Variants in TRPV1 observed in about 807,000 individuals in gnomAD.
TRPV1 encodes the protein transient receptor potential cation channel subfamily V member 1.
Under a neutral mutation model 82.3 loss-of-function variants are expected in TRPV1, and 82 were observed. That is an observed-to-expected ratio of 1.00 (90% CI 0.83 to 1.20). The LOEUF (loss-of-function observed/expected upper bound fraction) is 1.20, where lower values mean the gene tolerates loss of function less well. TRPV1 is among the 50% of genes most tolerant of loss of function. The pLI, the probability that TRPV1 is intolerant of heterozygous loss-of-function variation, is 0.00. For synonymous variants in TRPV1, 515 were observed against 467.7 expected, an observed-to-expected ratio of 1.10 and a Z score of -1.30; for missense variants, 1,067 against 1,096.8, an observed-to-expected ratio of 0.97 and a Z score of 0.38.
intron 11 of TRPV1, chr17:3,578,808 A>C (rs530837485): frequency 6.6e-6 from 1 of 152,330 alleles, no homozygotes; most frequent in South Asian, 2.1e-4. Context: ...GGATAATCAA[A>C]AAGTGGTACG....
At chr17:3,590,641 G>C (rs547348987) in intron 5 of TRPV1, among the ~76,000 whole-genome samples, 1 of 152,170 alleles carries the variant, frequency 6.6e-6, no homozygotes, top group South Asian at 2.1e-4. Context: ...AAATTGCCCC[G>C]GGGGCAAGGA....
chr17:3,592,365 C>A lies in TRPV1; in HGVS notation c.-15G>T. 1 of 1,578,630 alleles carries A rather than the reference C, an allele frequency of 6.3e-7. No homozygotes were observed. ...CATTTCTTCATCCTTGCTGGATCCTCTGTGGCCCAGTGTGCAACCTGCAGC... is the reference window on the plus strand; with the variant it reads ...CATTTCTTCATCCTTGCTGGATCCTATGTGGCCCAGTGTGCAACCTGCAGC... On this transcript the variant is annotated 5_prime_UTR_variant, in exon 3 of 17. Coordinates refer to ENST00000572705, the MANE Select transcript of TRPV1 (RefSeq NM_080704.4).
intron 9 of TRPV1, among the ~76,000 whole-genome samples, chr17:3,583,768 C>A (rs183873109): frequency 2.5e-3 from 387 of 152,326 alleles, no homozygotes; most frequent in Admixed American, 5.4e-3. Context: ...ATGGACCCCA[C>A]GCCATACACA....
intron 16 of TRPV1, among the ~76,000 whole-genome samples, chr17:3,570,916 G>C (rs1292547937): frequency 2.6e-5 from 4 of 151,968 alleles, no homozygotes; most frequent in East Asian, 1.9e-4. Flanking sequence ...GGGGTTTCAC[G>C]ATGTTGGCCA....
intron 2 of TRPV1, among the ~76,000 whole-genome samples, chr17:3,602,632 C>CGCCAGCCAG (rs1443252312): frequency 1.6e-3 from 246 of 152,282 alleles, no homozygotes; most frequent in African/African-American, 5.4e-3. Context: ...TCTGCGGACG[C>CGCCAGCCAG]GCCAGCCAGC....
At position 3,573,695 on chromosome 17, in the gene TRPV1, C is replaced by T. The variant is rs2074890885; in HGVS notation, c.2041G>A (p.Ala681Thr). ...TTGTTGACAGTCTCACCCATGAGGG[C>T]GATGAGCATGTTGAGCAGGAGGATG... is the stretch of plus-strand genomic sequence containing the variant. ...TYILLLNMLIALMGETVNKIA... is the reference protein window; with the variant it reads ...TYILLLNMLITLMGETVNKIA... The change falls in exon 14 of 17, where the codon GCC becomes ACC. Residue 681 changes from alanine to threonine, a missense_variant. Transcript: ENST00000572705. 4 of 1,613,902 alleles carry T rather than the reference C, an allele frequency of 2.5e-6. No homozygotes were observed. Among genetic ancestry groups the T allele is most frequent in the East Asian group, 4.5e-5 (2 of 44,890 alleles).
intron 2 of TRPV1, among the ~76,000 whole-genome samples, chr17:3,607,600 G>A (rs572193006): frequency 9.1e-4 from 135 of 149,052 alleles, no homozygotes; most frequent in African/African-American, 3.2e-3. Flanking sequence ...GCAGTGGTGC[G>A]ATCTCAGCTC....
intron 8 of TRPV1, among the ~76,000 whole-genome samples, chr17:3,586,214 T>C (rs1289801407): frequency 6.6e-6 from 1 of 152,178 alleles, no homozygotes; most frequent in African/African-American, 2.4e-5. Flanking sequence ...CCCACCGCAC[T>C]GCCCGTTGTG....
chr17:3,604,892 C>T (rs556652011), intron 2 of TRPV1, among the ~76,000 whole-genome samples: 3 of 152,278 alleles, frequency 2.0e-5, no homozygotes, highest in African/African-American at 7.2e-5. Context: ...TCCTCCAAAC[C>T]CCACTGTCTA....
At position 3,591,275 on chromosome 17, in the gene TRPV1, G is replaced by A. The variant is rs199898362; in HGVS notation, c.363C>T (p.Ala121=). 6.8e-6 allele frequency: 11 copies of A among 1,613,260 alleles called. No homozygotes were observed. Among genetic ancestry groups the A allele is most frequent in the South Asian group, 4.4e-5 (4 of 91,054 alleles). Residue 121 remains alanine, a synonymous_variant, in exon 4 of 17, where the codon GCC becomes GCT. Coordinates refer to ENST00000572705, the MANE Select transcript of TRPV1 (RefSeq NM_080704.4). ...GATCCTGGCAGTTATTCTGAGCAAC[G>A]GCTTCAAAGATACTCCTGCGATCAT... ...RLYDRRSIFE[A]VAQNNCQDLE... is the part of the protein sequence containing the mutation.
chr17:3,567,110 C>A lies in TRPV1; in HGVS notation c.2348-123G>T, dbSNP rs545624344. The A allele has an allele frequency of 6.5e-5, 76 of 1,171,654 alleles. 1 individual carries two copies. The South Asian group carries it at 1.1e-3, about 17-fold the overall frequency. 72.6% of individuals were successfully genotyped at this position (1,171,654 alleles called of 1,614,324 possible). A position where few individuals can be genotyped will look rare whatever the true frequency, so the allele number is the denominator to read the frequency against. On this transcript the variant is annotated intron_variant, in intron 16 of 16. Transcript: ENST00000572705. ...CGATGGCTCATGCCTGTAATCCCAG[C>A]ACTTTGGGAGGCCGAGGCAGGTGGA...
At chr17:3,576,877 A>C (rs1239022788) in intron 13 of TRPV1, among the ~76,000 whole-genome samples, 1 of 151,012 alleles carries the variant, frequency 6.6e-6, no homozygotes. Flanking sequence ...AAAAGTTGAA[A>C]AAACAACTGA....
rs917387664 is a variant in TRPV1, at chr17:3,589,950, C to T, written c.901G>A (p.Asp301Asn). 7.7e-6 allele frequency: 12 copies of T among 1,568,388 alleles called. No individual in the cohort carries two copies. In the Admixed American group the frequency reaches 1.5e-4, roughly 20 times the overall value. Reference sequence around the variant, plus strand: ...ATGCTCGTCACAAACTTCGTGTTGTCGGCCGTGTTGTCGGCCACCTCCACC... The same window carrying T: ...ATGCTCGTCACAAACTTCGTGTTGTTGGCCGTGTTGTCGGCCACCTCCACC... ...ALVEVADNTA[D>N]NTKFVTSMYN... The change falls in exon 7 of 17, where the codon GAC (aspartate) becomes AAC (asparagine). Residue 301 changes from aspartate to asparagine, a missense_variant. By Grantham distance (23) the Asp-to-Asn change is conservative. Coordinates refer to ENST00000572705, the MANE Select transcript of TRPV1 (RefSeq NM_080704.4).
rs1217001931 is a variant in TRPV1 at position 3,585,877 on chromosome 17, T to C, written c.1274A>G (p.Asp425Gly). Residue 425 changes from aspartate (D) to glycine (G), a missense_variant, in exon 9 of 17, where the codon GAC (aspartate) becomes GGC (glycine). Asp to Gly is a moderately conservative substitution (Grantham distance 94). Coordinates refer to ENST00000572705, the MANE Select transcript of TRPV1 (RefSeq NM_080704.4). ...LVEPLNRLLQ[D>G]KWDRFVKRIF... The stretch of plus-strand genomic sequence containing the variant: ...GCGCTTGACGAATCTGTCCCACTTG[T>C]CCTGCAGGAGTCGGTTCAGCGGCTC... The C allele has an allele frequency of 2.5e-6, 4 of 1,613,938 alleles. No individual in the cohort carries two copies. The highest frequency in any genetic ancestry group is 3.4e-6 in the Non-Finnish European group (4 of 1,179,860).
intron 14 of TRPV1, among the ~76,000 whole-genome samples, chr17:3,572,907 C>T (rs1466981499): frequency 1.4e-5 from 2 of 140,132 alleles, no homozygotes; most frequent in Non-Finnish European, 3.0e-5. Context: ...CGCTTGAAGT[C>T]GGGAGGCAGA....
At chr17:3,578,245 TTACA>T (rs1228887416) in intron 11 of TRPV1, 1 of 154,036 alleles carries the variant, frequency 6.5e-6, no homozygotes, top group Non-Finnish European at 1.4e-5. Context: ...GAGGCGGAGG[TTACA>T]GTGAGCCAAG....
rs200486119 is a variant in TRPV1 at position 3,590,980 on chromosome 17, C to T, written c.588G>A (p.Thr196=). The T allele has an allele frequency of 3.0e-5, 49 of 1,606,994 alleles. No individual in the cohort carries two copies. Among genetic ancestry groups the T allele is most frequent in the Middle Eastern group, 3.7e-4 (2 of 5,396 alleles). Residue 196 remains threonine (T), a synonymous_variant, in exon 5 of 17, where the codon ACG becomes ACA. Coordinates refer to ENST00000572705, the MANE Select transcript of TRPV1 (RefSeq NM_080704.4). ...SLKELVNASY[T]DSYYKGQTAL... ...CCTCCTCACCCTTGTAGTAGCTGTC[C>T]GTGTAGCTGGCGTTGACAAGCTCCT...
chr17:3,583,789 A>G (rs1340396759), intron 9 of TRPV1, among the ~76,000 whole-genome samples: 1 of 152,074 alleles, frequency 6.6e-6, no homozygotes, highest in East Asian at 1.9e-4. Flanking sequence ...TCCCGCTGCC[A>G]CCCCAGCCCA....
chr17:3,586,022 G>A (rs967111233), intron 8 of TRPV1, 96 bp from the exon 9 acceptor site: 12 of 1,479,326 alleles, frequency 8.1e-6, no homozygotes, highest in East Asian at 2.4e-5. Flanking sequence ...CATGTGGCCC[G>A]CACAGTCCTC....
Sources: gnomAD v4.1 joint callset for allele counts (sites outside exome capture counted in the v4.1 genomes callset) on GRCh38, gnomAD v4.1.1 for gene constraint, MANE v1.5 for transcripts, NCBI Gene and HGNC (gene_info 2026-07-23, HGNC 2026-07-21) for gene names.